Variants in AGMO observed in about 807,000 individuals in gnomAD.
AGMO encodes the protein glyceryl-ether monooxygenase.
A neutral mutation model predicts 60.2 loss-of-function variants in AGMO; 75 were observed. The ratio of observed to expected loss-of-function variants is 1.25; its 90% CI spans 1.03 to 1.51. AGMO has a LOEUF of 1.51. Ranked by LOEUF, AGMO falls within the 40% of genes most tolerant of loss-of-function variation. The probability of loss-of-function intolerance (pLI) is 0.00; values close to 1 mark genes in which losing one functional copy is unlikely to be tolerated. For synonymous variants in AGMO, 261 were observed against 177.1 expected, an observed-to-expected ratio of 1.47 and a Z score of -3.76; for missense variants, 763 against 525.5, an observed-to-expected ratio of 1.45 and a Z score of -4.42.
At chr7:15,493,049 G>C (rs1007004890) in intron 3 of AGMO, among the ~76,000 whole-genome samples, 2 of 152,118 alleles carry the variant, frequency 1.3e-5, no homozygotes, top group African/African-American at 4.8e-5. Flanking sequence ...AGATTCCTAA[G>C]AGTGGAAGGG....
At chr7:15,156,430 G>T in the AGMO span, among the ~76,000 whole-genome samples, 11 of 152,180 alleles carry the variant, frequency 7.2e-5, no homozygotes, top group African/African-American at 2.2e-4. Flanking sequence ...AGTTCCAGCA[G>T]CCAATACAAG....
intron 12 of AGMO, among the ~76,000 whole-genome samples, chr7:15,341,797 GA>G (rs1254425483): frequency 6.6e-6 from 1 of 152,152 alleles, no homozygotes; most frequent in Non-Finnish European, 1.5e-5. Flanking sequence ...GAAGGCAAAG[GA>G]GGAGCAAAGG....
chr7:15,305,717 T>C (rs996813618), intron 12 of AGMO, among the ~76,000 whole-genome samples: 5 of 151,976 alleles, frequency 3.3e-5, no homozygotes, highest in Non-Finnish European at 5.9e-5. Context: ...TAGGGTACTA[T>C]AGTTATATAA....
At chr7:15,133,241 T>C in the AGMO span, among the ~76,000 whole-genome samples, 2 of 152,266 alleles carry the variant, frequency 1.3e-5, no homozygotes, top group East Asian at 3.9e-4. Context: ...ATAACCTATT[T>C]AGGAATTGCA....
At chr7:15,372,164 C>T (rs1407618157) in intron 10 of AGMO, among the ~76,000 whole-genome samples, 1 of 148,816 alleles carries the variant, frequency 6.7e-6, no homozygotes, top group Non-Finnish European at 1.5e-5. Context: ...TAAAGTCTAA[C>T]ATGCGGCTGG....
the AGMO span, among the ~76,000 whole-genome samples, chr7:15,149,494 A>G: frequency 6.6e-6 from 1 of 152,164 alleles, no homozygotes; most frequent in South Asian, 2.1e-4. Flanking sequence ...ATTTTATTAT[A>G]TGGTGAAAGG....
At chr7:15,391,321 C>T (rs920616254) in intron 6 of AGMO, among the ~76,000 whole-genome samples, 2 of 151,908 alleles carry the variant, frequency 1.3e-5, no homozygotes, top group African/African-American at 4.8e-5. Context: ...TCCTTTTTAA[C>T]TGCATCTGTT....
chr7:15,482,632 A>G (rs1005822627), intron 3 of AGMO, among the ~76,000 whole-genome samples: 1 of 152,200 alleles, frequency 6.6e-6, no homozygotes, highest in Non-Finnish European at 1.5e-5. Context: ...GACACTTGTC[A>G]TCTCTGTGCT....
At chr7:15,463,307 G>A (rs980610341) in intron 3 of AGMO, among the ~76,000 whole-genome samples, 1 of 152,094 alleles carries the variant, frequency 6.6e-6, no homozygotes, top group African/African-American at 2.4e-5. Context: ...AAACATTACA[G>A]AATTTTGTTT....
chr7:15,174,836 A>G, the AGMO span, among the ~76,000 whole-genome samples: 1 of 152,046 alleles, frequency 6.6e-6, no homozygotes, highest in Non-Finnish European at 1.5e-5. Context: ...TTTGGAAAGC[A>G]TATTTTCTTT....
At chr7:15,228,897 T>A (rs1480270079) in intron 12 of AGMO, among the ~76,000 whole-genome samples, 1 of 152,062 alleles carries the variant, frequency 6.6e-6, no homozygotes, top group African/African-American at 2.4e-5. Flanking sequence ...TACGCAGTGG[T>A]CCAATCAAAA....
At chr7:15,351,948 C>G (rs1782257632) in intron 12 of AGMO, among the ~76,000 whole-genome samples, 1 of 152,036 alleles carries the variant, frequency 6.6e-6, no homozygotes, top group East Asian at 1.9e-4. Flanking sequence ...TAATATTGAC[C>G]TAATAAAGCC....
At chr7:15,467,239 A>C (rs556558248) in intron 3 of AGMO, among the ~76,000 whole-genome samples, 2 of 152,286 alleles carry the variant, frequency 1.3e-5, no homozygotes, top group African/African-American at 4.8e-5. Context: ...TGGCTTCCCC[A>C]ATTTCATGAG....
In AGMO at chr7:15,259,574, T is replaced by G. The variant is rs544176319; in HGVS notation, c.1264-58215A>C. Among the ~76,000 whole-genome samples, 12 of 152,146 alleles carry G rather than the reference T, an allele frequency of 7.9e-5. No individual in the cohort carries two copies. The South Asian group carries it at 2.5e-3, about 32-fold the overall frequency. ...CCCAAAGAACACCTGGGAAACTCAT[T>G]GCTAAAAGATCATCGCCTAGGCACA... On this transcript the variant is annotated intron_variant, in intron 12 of 12. Transcript: ENST00000342526.
intron 12 of AGMO, among the ~76,000 whole-genome samples, chr7:15,248,181 T>TAG (rs1782808595): frequency 3.5e-5 from 1 of 28,284 alleles, no homozygotes; most frequent in Non-Finnish European, 6.1e-5. Context: ...TCCAGCACCA[T>TAG]ATATATATAT....
intron 12 of AGMO, among the ~76,000 whole-genome samples, chr7:15,253,490 G>T (rs1033433477): frequency 5.3e-5 from 8 of 152,106 alleles, no homozygotes; most frequent in Non-Finnish European, 1.0e-4. Flanking sequence ...TTCTGAGCAA[G>T]GTGCAGGGCC....
At chr7:15,179,756 T>G in the AGMO span, among the ~76,000 whole-genome samples, 1 of 152,198 alleles carries the variant, frequency 6.6e-6, no homozygotes, top group Non-Finnish European at 1.5e-5. Flanking sequence ...CCAGGCTATA[T>G]GTGACATCAT....
intron 5 of AGMO, among the ~76,000 whole-genome samples, chr7:15,417,242 G>T (rs921794631): frequency 2.0e-5 from 3 of 152,150 alleles, no homozygotes; most frequent in African/African-American, 7.2e-5. Context: ...TTTTGAAGTG[G>T]AAATGAAGCC....
chr7:15,366,058 T>A (rs1267066713), intron 11 of AGMO, 82 bp downstream of exon 11: 1 of 1,007,818 alleles, frequency 9.9e-7, no homozygotes, highest in Non-Finnish European at 1.5e-6. Context: ...ACTAGTTACA[T>A]AATATACTGG....
Sources: gnomAD v4.1 joint callset for allele counts (sites outside exome capture counted in the v4.1 genomes callset) on GRCh38, gnomAD v4.1.1 for gene constraint, MANE v1.5 for transcripts, NCBI Gene and HGNC (gene_info 2026-07-23, HGNC 2026-07-21) for gene names.